KCP: variants seen among roughly 807,000 people sequenced by gnomAD.
The protein encoded by KCP is kielin cysteine rich BMP regulator, also known as kielin/chordin-like protein.
KCP carries 194 observed loss-of-function variants against 212.7 expected under a neutral mutation model. That is an observed-to-expected ratio of 0.91 (90% CI 0.81 to 1.03). The LOEUF is 1.03. Among genes scored for constraint, KCP ranks in the 50% least tolerant of loss-of-function variants. The probability of loss-of-function intolerance (pLI) is 0.00; values close to 1 mark genes in which losing one functional copy is unlikely to be tolerated. For missense variants in KCP, 2,080 were observed against 2,162.5 expected (o/e 0.96, Z 0.76); for synonymous variants, 833 against 865.3 (o/e 0.96, Z 0.65).
At chr7:128,886,396 G>A (rs1793644960) in intron 26 of KCP, 68 bp downstream of exon 26, 1 of 1,306,814 alleles carries the variant, frequency 7.7e-7, no homozygotes, top group Admixed American at 2.4e-5. Context: ...AGGGGAGGGA[G>A]GTGGGGTGGA....
intron 18 of KCP, 48 bp downstream of exon 18, chr7:128,891,403 G>A (rs1446770092): frequency 2.6e-6 from 4 of 1,546,858 alleles, no homozygotes; most frequent in East Asian, 4.9e-5. Context: ...GCCTCTGCAA[G>A]TCCCGCCTCC....
chr7:128,880,808 C>A (rs1259028064), intron 32 of KCP, 87 bp from the exon 33 acceptor site: 6 of 403,482 alleles, frequency 1.5e-5, no homozygotes, highest in Non-Finnish European at 2.6e-5. Context: ...GCATGGACTT[C>A]TGCCTGCCCC....
At position 128,910,709 on chromosome 7, in the gene KCP, C is replaced by T. The variant is rs780142176; in HGVS notation, c.-33G>A. ...CCGCCTCGCTCGGCTCGCCGTCTGT[C>T]GTCGCGGCTCAGCAGGCGCTGGGGA... On this transcript the variant is annotated 5_prime_UTR_variant, in exon 1 of 40. Coordinates refer to ENST00000610776, the MANE Select transcript of KCP (RefSeq NM_001366122.1). 173 of 1,458,540 alleles carry T rather than the reference C, an allele frequency of 1.2e-4. No homozygotes were observed. Among genetic ancestry groups the T allele is most frequent in the Non-Finnish European group, 1.5e-4 (166 of 1,110,870 alleles). 90.3% of individuals were successfully genotyped at this position (1,458,540 alleles called of 1,614,324 possible). A position where few individuals can be genotyped will look rare whatever the true frequency, so the allele number is the denominator to read the frequency against.
intron 30 of KCP, 63 bp downstream of exon 30, chr7:128,881,874 A>C: frequency 1.3e-6 from 2 of 1,487,920 alleles, no homozygotes; most frequent in Non-Finnish European, 1.8e-6. Context: ...GAGGAGTGGC[A>C]GCCACAGCCC....
chr7:128,891,756 C>T lies in KCP; in HGVS notation c.1685G>A (p.Cys562Tyr). The T allele has an allele frequency of 6.9e-7, 1 of 1,449,882 alleles. No individual in the cohort carries two copies. Among genetic ancestry groups the T allele is most frequent in the South Asian group, 1.5e-5 (1 of 67,872 alleles). The allele number at this position is 1,449,882 out of a possible 1,614,324, so 89.8% of individuals were successfully genotyped here. Residue 562 changes from cysteine to tyrosine, a missense_variant, in exon 17 of 40, where the codon TGC becomes TAC. By Grantham distance (194) the Cys-to-Tyr change is radical. Coordinates refer to ENST00000610776, the MANE Select transcript of KCP (RefSeq NM_001366122.1). ...GESFSHPRDP[C>Y]QECRCQEGHA... Reference sequence around the variant, plus strand: ...GCCTTCCTGGCATCGGCACTCCTGGCAGGGGTCTCGGGGGTGGGAGAAGCT... The same window carrying T: ...GCCTTCCTGGCATCGGCACTCCTGGTAGGGGTCTCGGGGGTGGGAGAAGCT...
intron 24 of KCP, 60 bp from the exon 25 acceptor site, chr7:128,886,797 C>G: frequency 6.6e-7 from 1 of 1,507,364 alleles, no homozygotes; most frequent in Non-Finnish European, 9.0e-7. Flanking sequence ...CTCGGCCCAG[C>G]CTTAGGCCTG....
Position 128,893,391 on chromosome 7 carries a change from C to T in KCP, c.1185G>A (p.Gln395=), listed in dbSNP as rs938990500. Reference sequence around the variant, plus strand: ...GGGTGTGAGCGGAGGGACCGCCTACCTGGCAGGAGCAGCGGACACAGAGGC... The same window carrying T: ...GGGTGTGAGCGGAGGGACCGCCTACTTGGCAGGAGCAGCGGACACAGAGGC... The part of the protein sequence containing the change: ...ERGLCVRCSC[Q]AGEVSCEEQE... The change falls in exon 12 of 40, where the codon CAG becomes CAA. Residue 395 remains glutamine, a splice_region_variant and synonymous_variant. Coordinates refer to ENST00000610776, the MANE Select transcript of KCP (RefSeq NM_001366122.1). 6.4e-7 allele frequency: 1 copy of T among 1,551,552 alleles called. No homozygotes were observed. Among genetic ancestry groups the T allele is most frequent in the Non-Finnish European group, 8.7e-7 (1 of 1,146,944 alleles).
chr7:128,879,298 A>T (rs1793175097), intron 37 of KCP: 1 of 560,726 alleles, frequency 1.8e-6, no homozygotes, highest in South Asian at 2.3e-5. Flanking sequence ...GTGGCTTAAG[A>T]GGCTGAGCCG....
intron 7 of KCP, 80 bp from the exon 8 acceptor site, chr7:128,902,939 TC>T: frequency 9.5e-7 from 1 of 1,050,872 alleles, no homozygotes; most frequent in Non-Finnish European, 1.4e-6. Flanking sequence ...GCCTTCCTTG[TC>T]CACATGCCCT....
chr7:128,899,912 C>T (rs1482926681), intron 8 of KCP, among the ~76,000 whole-genome samples: 1 of 131,174 alleles, frequency 7.6e-6, no homozygotes, highest in African/African-American at 4.3e-5. Context: ...CTTGGAGAAA[C>T]CGGCCTCATA....
At chr7:128,883,956 C>G in intron 29 of KCP, 46 bp downstream of exon 29, 1 of 1,517,434 alleles carries the variant, frequency 6.6e-7, no homozygotes, top group Non-Finnish European at 8.8e-7. Context: ...CAGGGGGTGG[C>G]AGCCCTAACC....
At chr7:128,889,074 G>A in intron 21 of KCP, 35 bp from the exon 22 acceptor site, 3 of 1,447,258 alleles carry the variant, frequency 2.1e-6, no homozygotes, top group Non-Finnish European at 2.8e-6. Flanking sequence ...CGAGGGGAGG[G>A]ACAGAAAGGG....
At chr7:128,887,944 C>T (rs1391689827) in intron 22 of KCP, among the ~76,000 whole-genome samples, 1 of 149,982 alleles carries the variant, frequency 6.7e-6, no homozygotes, top group Non-Finnish European at 1.5e-5. Context: ...AACACATAGC[C>T]ACACACACAT....
intron 1 of KCP, among the ~76,000 whole-genome samples, chr7:128,909,262 G>A (rs1795307498): frequency 6.6e-6 from 1 of 152,188 alleles, no homozygotes; most frequent in African/African-American, 2.4e-5. Context: ...GGGATGGGCA[G>A]GGAAGTTGAG....
intron 11 of KCP, 110 bp downstream of exon 11, chr7:128,893,696 T>TGGGAACAG (rs1474210633): frequency 8.1e-7 from 1 of 1,239,808 alleles, no homozygotes; most frequent in East Asian, 2.5e-5. Flanking sequence ...GGACTCACTT[T>TGGGAACAG]GGGAACAGGG....
In KCP at chr7:128,886,715, C is replaced by T; in HGVS notation, c.2712G>A (p.Glu904=). The T allele has an allele frequency of 6.4e-7, 1 of 1,551,650 alleles. No homozygotes were observed. Among genetic ancestry groups the T allele is most frequent in the Middle Eastern group, 1.7e-4 (1 of 5,988 alleles). Residue 904 remains glutamate (E), a synonymous_variant, in exon 25 of 40, where the codon GAG becomes GAA. Coordinates refer to ENST00000610776, the MANE Select transcript of KCP (RefSeq NM_001366122.1). ...VCHSCLSQGR[E]HQDGEEFEGP... ...CCTCAAACTCCTCCCCATCCTGGTG[C>T]TCCCGGCCCTGAGAGAGACAGCCTG...
intron 8 of KCP, among the ~76,000 whole-genome samples, chr7:128,899,625 G>A (rs1794721487): frequency 6.6e-6 from 1 of 152,144 alleles, no homozygotes; most frequent in African/African-American, 2.4e-5. Flanking sequence ...TGGCAATTGA[G>A]TAAAGTATAC....
chr7:128,907,516 T>TG, intron 2 of KCP, 63 bp from the exon 3 acceptor site: 1 of 1,164,442 alleles, frequency 8.6e-7, no homozygotes, highest in Non-Finnish European at 1.1e-6. Context: ...CCAGTAGAGA[T>TG]GAGGGGTGTG....
chr7:128,891,753 T>G lies in KCP; in HGVS notation c.1688A>C (p.Gln563Pro). Residue 563 changes from glutamine (Q) to proline (P), a missense_variant, in exon 17 of 40, where the codon CAG becomes CCG. By Grantham distance (76) the Gln-to-Pro change is moderately conservative. Coordinates refer to ENST00000610776, the MANE Select transcript of KCP (RefSeq NM_001366122.1). The stretch of plus-strand genomic sequence containing the variant: ...ATGGCCTTCCTGGCATCGGCACTCC[T>G]GGCAGGGGTCTCGGGGGTGGGAGAA... ...ESFSHPRDPC[Q>P]ECRCQEGHAH... 1 of 1,428,796 alleles carries G rather than the reference T, an allele frequency of 7.0e-7. No homozygotes were observed. The highest frequency in any genetic ancestry group is 9.2e-7 in the Non-Finnish European group (1 of 1,088,152). The allele number at this position is 1,428,796 out of a possible 1,614,324, so 88.5% of individuals were successfully genotyped here.
Sources: gnomAD v4.1 joint callset for allele counts (sites outside exome capture counted in the v4.1 genomes callset) on GRCh38, gnomAD v4.1.1 for gene constraint, MANE v1.5 for transcripts, NCBI Gene and HGNC (gene_info 2026-07-23, HGNC 2026-07-21) for gene names.